The following PTPN14 variants were observed in gnomAD, a reference collection of about 807,000 sequenced individuals.
PTPN14 encodes protein tyrosine phosphatase non-receptor type 14.
A neutral mutation model predicts 126.8 loss-of-function variants in PTPN14; 53 were observed. The observed-to-expected ratio is 0.42, with a 90% CI of 0.34 to 0.53. The LOEUF (loss-of-function observed/expected upper bound fraction) is 0.53. PTPN14 is among the 20% of genes least tolerant of loss of function. The probability of loss-of-function intolerance (pLI) is 0.08; values close to 1 mark genes in which losing one functional copy is unlikely to be tolerated. For synonymous variants in PTPN14, 630 were observed against 599.3 expected, an observed-to-expected ratio of 1.05 and a Z score of -0.75; for missense variants, 1,257 against 1,552.9, an observed-to-expected ratio of 0.81 and a Z score of 3.20.
At chr1:214,474,943 C>G (rs947723857) in intron 1 of PTPN14, among the ~76,000 whole-genome samples, 1 of 152,164 alleles carries the variant, frequency 6.6e-6, no homozygotes, top group Non-Finnish European at 1.5e-5. Context: ...CCTCTGAAGG[C>G]ATTCTAAGTA....
intron 1 of PTPN14, among the ~76,000 whole-genome samples, chr1:214,485,994 G>C (rs548743530): frequency 4.6e-4 from 70 of 152,234 alleles, no homozygotes; most frequent in African/African-American, 1.6e-3. Flanking sequence ...TCAAAGTATT[G>C]GGATTACAGG....
intron 4 of PTPN14, 142 bp from the exon 5 acceptor site, chr1:214,411,893 T>A (rs1003339027): frequency 4.0e-6 from 2 of 496,736 alleles, no homozygotes; most frequent in Admixed American, 8.5e-5. Context: ...TGCCAAGATA[T>A]GTTTGACATA....
intron 1 of PTPN14, among the ~76,000 whole-genome samples, chr1:214,490,849 GGAA>G: frequency 2.2e-5 from 1 of 44,726 alleles, no homozygotes; most frequent in African/African-American, 9.4e-5. Context: ...GGAAAGGAAA[GGAA>G]GGGAAGGGAG....
Position 214,451,959 on chromosome 1 carries a change from G to C in PTPN14, c.190C>G (p.Leu64Val). Residue 64 changes from leucine (L) to valine (V), a missense_variant, in exon 3 of 19, where the codon CTT becomes GTT. By Grantham distance (32) the Leu-to-Val change is conservative. This residue lies in a region of PTPN14 where 1,021 missense variants were observed against 1,183.3 expected (regional missense o/e 0.86). Transcript: ENST00000366956. ...LELRETHYFGLWFLSKSQQAR... is the reference protein window; with the variant it reads ...LELRETHYFGVWFLSKSQQAR... ...TGCTGGCTCTTGCTGAGAAACCAAAGGCCAAAGTAGTGCGTCTAGATAAAA... is the reference window on the plus strand; with the variant it reads ...TGCTGGCTCTTGCTGAGAAACCAAACGCCAAAGTAGTGCGTCTAGATAAAA... 6.2e-7 allele frequency: 1 copy of C among 1,613,936 alleles called. No individual in the cohort carries two copies.
At chr1:214,402,273 A>T (rs1460182778) in intron 6 of PTPN14, among the ~76,000 whole-genome samples, 1 of 151,748 alleles carries the variant, frequency 6.6e-6, no homozygotes, top group East Asian at 2.0e-4. Context: ...CCCCATCTCC[A>T]CTAAAAATAC....
chr1:214,372,685 G>A, intron 16 of PTPN14, 26 bp downstream of exon 16: 1 of 1,613,686 alleles, frequency 6.2e-7, no homozygotes, highest in South Asian at 1.1e-5. Flanking sequence ...GGGGAAAAAG[G>A]ATGTGGAGTA....
chr1:214,405,272 G>A (rs770050669), intron 5 of PTPN14, among the ~76,000 whole-genome samples: 5 of 152,140 alleles, frequency 3.3e-5, no homozygotes, highest in African/African-American at 9.7e-5. Flanking sequence ...CCCCTTGTGC[G>A]TGTCTCTTCT....
chr1:214,424,447 T>C (rs1312059360), intron 3 of PTPN14, among the ~76,000 whole-genome samples: 1 of 152,064 alleles, frequency 6.6e-6, no homozygotes, highest in Non-Finnish European at 1.5e-5. Context: ...ATATGAGAGA[T>C]AATTCGGAGA....
At chr1:214,358,255 A>G (rs993813046) in intron 18 of PTPN14, among the ~76,000 whole-genome samples, 1 of 152,046 alleles carries the variant, frequency 6.6e-6, no homozygotes, top group African/African-American at 2.4e-5. Flanking sequence ...CACTGGTGGG[A>G]TATTTTATTT....
chr1:214,480,662 C>T (rs113351390), intron 1 of PTPN14, among the ~76,000 whole-genome samples: 19 of 152,290 alleles, frequency 1.2e-4, no homozygotes, highest in African/African-American at 4.6e-4. Flanking sequence ...ACCTCAACCT[C>T]GGAAGCAGAT....
intron 1 of PTPN14, among the ~76,000 whole-genome samples, chr1:214,471,382 A>G (rs1353498282): frequency 6.6e-6 from 1 of 152,226 alleles, no homozygotes; most frequent in Admixed American, 6.5e-5. Flanking sequence ...TGAATGGCAA[A>G]GTACTTATCC....
intron 1 of PTPN14, among the ~76,000 whole-genome samples, chr1:214,534,349 T>C (rs904997339): frequency 2.6e-5 from 4 of 152,168 alleles, no homozygotes; most frequent in Non-Finnish European, 5.9e-5. Context: ...CTTTTTGTAA[T>C]AGTTAAAATT....
At chr1:214,513,134 T>C (rs1655017798) in intron 1 of PTPN14, among the ~76,000 whole-genome samples, 2 of 152,032 alleles carry the variant, frequency 1.3e-5, no homozygotes, top group Non-Finnish European at 2.9e-5. Flanking sequence ...TGGTCTGGGA[T>C]AGGAAGCAGC....
At chr1:214,508,841 ATCT>A (rs928952678) in intron 1 of PTPN14, among the ~76,000 whole-genome samples, 12 of 152,232 alleles carry the variant, frequency 7.9e-5, no homozygotes, top group African/African-American at 2.9e-4. Context: ...AGCAACGTTC[ATCT>A]TCTTATACAT....
chr1:214,364,463 G>A lies in PTPN14; in HGVS notation c.3435+49C>T. 1 of 1,595,932 alleles carries A rather than the reference G, an allele frequency of 6.3e-7. No homozygotes were observed. Among genetic ancestry groups the A allele is most frequent in the East Asian group, 2.2e-5 (1 of 44,670 alleles). On this transcript the variant is annotated intron_variant, in intron 18 of 18. Coordinates refer to ENST00000366956, the MANE Select transcript of PTPN14 (RefSeq NM_005401.5). This position sits in a 1 kb window ranked among gnomAD's most constrained non-coding sequence, Gnocchi z 4.1. The stretch of plus-strand genomic sequence containing the variant: ...CAGGCAAAGGTTTGGCCAGGGTGTA[G>A]ACTTGTCCCCAAGGTGGAGTATCCG...
rs1165249502 is a variant in PTPN14 at position 214,383,577 on chromosome 1, T to C, written c.2278A>G (p.Ser760Gly). ...PEYPGPRKSV[S>G]NGALRQDQAS... ...TGGTCCTGCCTCAGAGCCCCATTGC[T>C]CACACTCTTCCTTGGACCGGGGTAC... Residue 760 changes from serine (S) to glycine (G), a missense_variant, in exon 13 of 19, where the codon AGC becomes GGC. By Grantham distance (56) the Ser-to-Gly change is moderately conservative. Coordinates refer to ENST00000366956, the MANE Select transcript of PTPN14 (RefSeq NM_005401.5). This position sits in a 1 kb window ranked among gnomAD's most constrained non-coding sequence, Gnocchi z 4.4. 6.2e-7 allele frequency: 1 copy of C among 1,613,772 alleles called. No homozygotes were observed.
At chr1:214,464,484 A>G (rs1271738433) in intron 2 of PTPN14, 146 bp downstream of exon 2, 1 of 1,078,422 alleles carries the variant, frequency 9.3e-7, no homozygotes, top group Admixed American at 2.6e-5. Context: ...GCTAAGAATA[A>G]CAGGATTCTT....
chr1:214,445,733 CCTAAA>C (rs988197866), intron 3 of PTPN14, among the ~76,000 whole-genome samples: 6 of 152,104 alleles, frequency 3.9e-5, no homozygotes, highest in African/African-American at 1.4e-4. Context: ...AAACCCCAGA[CCTAAA>C]CTAAAAGCAG....
chr1:214,520,194 C>T (rs1031140236), intron 1 of PTPN14, among the ~76,000 whole-genome samples: 2 of 151,576 alleles, frequency 1.3e-5, no homozygotes, highest in East Asian at 3.9e-4. Context: ...TTACTGACCC[C>T]AGAGCTTACT....
Sources: gnomAD v4.1 joint callset for allele counts (sites outside exome capture counted in the v4.1 genomes callset) on GRCh38, gnomAD v4.1.1 for gene constraint, gnomAD v4.1.1 regional missense constraint, Gnocchi (gnomAD v3.1) non-coding constraint, MANE v1.5 for transcripts, NCBI Gene and HGNC (gene_info 2026-07-23, HGNC 2026-07-21) for gene names.